TPO: variants seen among roughly 807,000 people sequenced by gnomAD.
TPO encodes the protein thyroid microsomal antigen.
In TPO, 78 loss-of-function variants were observed where a neutral mutation model predicts 96.9. The ratio of observed to expected loss-of-function variants is 0.81; its 90% confidence interval spans 0.67 to 0.97. The LOEUF (loss-of-function observed/expected upper bound fraction) is 0.97. Among genes scored for constraint, TPO ranks in the 50% least tolerant of loss-of-function variants. The pLI is 0.00. For synonymous variants in TPO, 547 were observed against 538.0 expected (o/e 1.02, Z -0.23); for missense variants, 1,252 against 1,274.8 (o/e 0.98, Z 0.27).
intron 1 of TPO, among the ~76,000 whole-genome samples, chr2:1,379,552 C>G (rs1183794125): frequency 6.6e-6 from 1 of 152,156 alleles, no homozygotes; most frequent in African/African-American, 2.4e-5. Context: ...CACCTCTCAG[C>G]TCCTGTGGGT....
intron 1 of TPO, among the ~76,000 whole-genome samples, chr2:1,405,166 C>T (rs192945025): frequency 1.7e-3 from 257 of 151,338 alleles, no homozygotes; most frequent in African/African-American, 5.9e-3. Flanking sequence ...ATCCATTATC[C>T]ACCCACCCAT....
chr2:1,531,381 AACCTCCCAAAATT>A, intron 15 of TPO, among the ~76,000 whole-genome samples: 1 of 54,780 alleles, frequency 1.8e-5, no homozygotes, highest in Non-Finnish European at 3.1e-5. Context: ...GACTCTGTGC[AACCTCCCAAAATT>A]GCCCCCACTG....
intron 15 of TPO, among the ~76,000 whole-genome samples, chr2:1,534,849 A>C (rs1679201124): frequency 3.8e-5 from 4 of 104,332 alleles, no homozygotes; most frequent in African/African-American, 7.8e-5. Flanking sequence ...ACTGTGTGTA[A>C]CCCCCCCAAA....
intron 15 of TPO, among the ~76,000 whole-genome samples, chr2:1,524,426 CA>C (rs1438899741): frequency 9.5e-6 from 1 of 105,276 alleles, no homozygotes; most frequent in African/African-American, 3.8e-5. Flanking sequence ...CCATTGTGTG[CA>C]ACCCCCCCAA....
At chr2:1,472,105 A>G (rs1017208696) in intron 7 of TPO, among the ~76,000 whole-genome samples, 4 of 151,380 alleles carry the variant, frequency 2.6e-5, no homozygotes, top group Non-Finnish European at 4.4e-5. Context: ...GCAAATGCTC[A>G]CAGCATGCAC....
Position 1,406,748 on chromosome 2 carries a change from T to C in TPO, n.180+32346T>C, listed in dbSNP as rs373142793. Among the ~76,000 whole-genome samples, 4 of 152,324 alleles carry C rather than the reference T, an allele frequency of 2.6e-5. No individual in the cohort carries two copies. The East Asian group carries it at 7.7e-4, about 29-fold the overall frequency. ...GTCATTTTCCTTTCAGTAATGTAAA[T>C]ACAAGCTCCTGTTCTGCCATTAGCA... On this transcript the variant is annotated intron_variant and non_coding_transcript_variant, in intron 1 of 5. Coordinates refer to the TPO transcript ENST00000497517.
At chr2:1,474,738 GTTC>G (rs1203371885) in intron 7 of TPO, among the ~76,000 whole-genome samples, 1 of 152,122 alleles carries the variant, frequency 6.6e-6, no homozygotes, top group Non-Finnish European at 1.5e-5. Context: ...GTCGCTCCTG[GTTC>G]TTCTCATCTC....
rs904251533 is a variant in TPO at position 1,429,052 on chromosome 2, A to T, written c.180-4386A>T. ...TCAGCCGATATAAAACACGTGTTTT[A>T]TATTTTAAGTTAAATGTCATACGCA... is the stretch of plus-strand genomic sequence containing the variant. On this transcript the variant is annotated intron_variant, in intron 3 of 16. Coordinates refer to ENST00000329066, the MANE Select transcript of TPO (RefSeq NM_001206744.2). Among the ~76,000 whole-genome samples the T allele has an allele frequency of 1.1e-4, 17 of 152,326 alleles. 1 individual carries two copies. Among genetic ancestry groups the T allele is most frequent in the Admixed American group, 1.1e-3 (17 of 15,302 alleles).
chr2:1,430,997 T>G (rs1241286805), intron 3 of TPO, among the ~76,000 whole-genome samples: 2 of 152,214 alleles, frequency 1.3e-5, no homozygotes, highest in Non-Finnish European at 2.9e-5. Context: ...TTTGGGGGAC[T>G]GTTGCGAATG....
chr2:1,468,270 T>A (rs1036983143), intron 7 of TPO, among the ~76,000 whole-genome samples: 6 of 152,126 alleles, frequency 3.9e-5, no homozygotes, highest in Non-Finnish European at 8.8e-5. Flanking sequence ...TTTTGCTGGT[T>A]TTTTTAATTG....
intron 13 of TPO, among the ~76,000 whole-genome samples, chr2:1,501,680 C>A (rs1276761756): frequency 1.3e-5 from 2 of 152,156 alleles, no homozygotes; most frequent in African/African-American, 4.8e-5. Context: ...GAAGCAGAGA[C>A]AAGACACAGA....
At chr2:1,401,870 G>C (rs1662177779) in intron 1 of TPO, among the ~76,000 whole-genome samples, 1 of 152,158 alleles carries the variant, frequency 6.6e-6, no homozygotes, top group Admixed American at 6.5e-5. Context: ...TTCCAGATTT[G>C]GAACTGTGGG....
intron 15 of TPO, among the ~76,000 whole-genome samples, chr2:1,532,072 A>G (rs1243472588): frequency 3.0e-5 from 2 of 66,770 alleles, no homozygotes; most frequent in Non-Finnish European, 5.6e-5. Flanking sequence ...CACTGTGTGC[A>G]CCTTCCTCAA....
At chr2:1,413,691 G>A (rs532330894) in intron 1 of TPO, 146 bp downstream of exon 1, 1 of 985,582 alleles carries the variant, frequency 1.0e-6, no homozygotes, top group South Asian at 4.7e-5. Context: ...ACTGACTGAT[G>A]AGTGCTGTTT....
At chr2:1,516,126 C>T (rs1674677364) in intron 14 of TPO, among the ~76,000 whole-genome samples, 1 of 152,138 alleles carries the variant, frequency 6.6e-6, no homozygotes, top group Admixed American at 6.5e-5. Flanking sequence ...TTACTCAGTC[C>T]CCGGCTTTTT....
At chr2:1,452,176 T>C (rs1667365136) in intron 5 of TPO, among the ~76,000 whole-genome samples, 1 of 151,432 alleles carries the variant, frequency 6.6e-6, no homozygotes, top group South Asian at 2.1e-4. Context: ...TTCTTCAAGA[T>C]TTAGTTATTT....
intron 9 of TPO, among the ~76,000 whole-genome samples, chr2:1,486,025 C>T (rs369273568): frequency 8.5e-5 from 13 of 152,120 alleles, no homozygotes; most frequent in South Asian, 8.3e-4. Context: ...AGGGTTTTTA[C>T]GGTTTTAGGT....
At position 1,477,922 on chromosome 2, in the gene TPO, C is replaced by A. The variant is rs1373524484; in HGVS notation, c.1338+318C>A. ...TGGTGATTATCCCACCAAGACCCAA[C>A]AACCACAGCCCCACAACAGTGGCAG... On this transcript the variant is annotated intron_variant, in intron 8 of 16. Coordinates refer to ENST00000329066, the MANE Select transcript of TPO (RefSeq NM_001206744.2). 5 of 985,292 alleles carry A rather than the reference C, an allele frequency of 5.1e-6. No homozygotes were observed. In the African/African-American group the frequency reaches 8.7e-5, roughly 17 times the overall value. 61.0% of individuals were successfully genotyped at this position (985,292 alleles called of 1,614,324 possible). A position where few individuals can be genotyped will look rare whatever the true frequency, so the allele number is the denominator to read the frequency against.
At chr2:1,416,099 C>T (rs1662936627) in intron 2 of TPO, among the ~76,000 whole-genome samples, 4 of 152,238 alleles carry the variant, frequency 2.6e-5, no homozygotes, top group South Asian at 4.1e-4. Context: ...AATTACTCAT[C>T]GCAGTCATTA....
Sources: gnomAD v4.1 joint callset for allele counts (sites outside exome capture counted in the v4.1 genomes callset) on GRCh38, gnomAD v4.1.1 for gene constraint, MANE v1.5 for transcripts, NCBI Gene and HGNC (gene_info 2026-07-23, HGNC 2026-07-21) for gene names.